CYTH1: variants seen among roughly 807,000 people sequenced by gnomAD.
The protein encoded by CYTH1 is cytohesin 1.
Under a neutral mutation model 61.8 loss-of-function variants are expected in CYTH1, and 18 were observed. The observed-to-expected ratio is 0.29, with a 90% CI of 0.20 to 0.43. The LOEUF (loss-of-function observed/expected upper bound fraction) is 0.43. Ranked by LOEUF, CYTH1 falls within the 20% of genes least tolerant of loss-of-function variation. The probability of loss-of-function intolerance (pLI) is 1.00; values close to 1 mark genes in which losing one functional copy is unlikely to be tolerated. For synonymous variants in CYTH1, 174 were observed against 184.3 expected (o/e 0.94, Z 0.45); for missense variants, 336 against 510.5 (o/e 0.66, Z 3.29).
intron 1 of CYTH1, among the ~76,000 whole-genome samples, chr17:78,758,261 C>T (rs1003109455): frequency 6.6e-6 from 1 of 152,198 alleles, no homozygotes; most frequent in African/African-American, 2.4e-5. Context: ...GCCGAGGCCC[C>T]AAGCATCCCT....
At chr17:78,705,562 C>T (rs574652211) in intron 3 of CYTH1, among the ~76,000 whole-genome samples, 1 of 152,072 alleles carries the variant, frequency 6.6e-6, no homozygotes, top group Non-Finnish European at 1.5e-5. Flanking sequence ...ATCATTCCTA[C>T]AAAATGCATC....
chr17:78,680,338 A>G lies in CYTH1; in HGVS notation c.970T>C (p.Phe324Leu). 1 of 1,612,712 alleles carries G rather than the reference A, an allele frequency of 6.2e-7. No homozygotes were observed. Among genetic ancestry groups the G allele is most frequent in the Non-Finnish European group, 8.5e-7 (1 of 1,179,146 alleles). Residue 324 changes from phenylalanine to leucine, a missense_variant, in exon 13 of 14, where the codon TTT (phenylalanine) becomes CTT (leucine). Physicochemically the swap from Phe to Leu is conservative, Grantham distance 22. Coordinates refer to ENST00000446868, the MANE Select transcript of CYTH1 (RefSeq NM_004762.6). ...TTATTGTCGGGGATATAAAGCTCAA[A>G]GCAGTTCTGAGAATCAAAACAGAGA... ...EVEDSKKPNC[F>L]ELYIPDNKDQ...
chr17:78,704,193 G>T (rs1011648865), intron 3 of CYTH1, among the ~76,000 whole-genome samples: 32 of 152,150 alleles, frequency 2.1e-4, no homozygotes, highest in Admixed American at 2.1e-3. Context: ...GTCTGAGAAG[G>T]GGCCTGTGCT....
intron 2 of CYTH1, 94 bp from the exon 3 acceptor site, chr17:78,708,355 A>G: frequency 1.8e-6 from 2 of 1,135,546 alleles, no homozygotes; most frequent in Non-Finnish European, 1.3e-6. Context: ...AACCAAAAAC[A>G]AAATAAAGCA....
intron 1 of CYTH1, among the ~76,000 whole-genome samples, chr17:78,767,923 T>C (rs1386931672): frequency 1.3e-5 from 2 of 152,114 alleles, no homozygotes; most frequent in Admixed American, 6.6e-5. Context: ...TTCAGAGAAT[T>C]AGAGAACACA....
intron 1 of CYTH1, among the ~76,000 whole-genome samples, chr17:78,716,419 C>G (rs1271491172): frequency 6.6e-6 from 1 of 152,180 alleles, no homozygotes; most frequent in Non-Finnish European, 1.5e-5. Flanking sequence ...TGGAGTCAGA[C>G]AGAAAACGCT....
chr17:78,701,555 A>G lies in CYTH1; in HGVS notation c.437+116T>C, dbSNP rs906617839. Reference sequence around the variant, plus strand: ...GATTTCTTCCCTCCAAAATACTTCAAAATATTCAAATCATACCCAAAGATA... The same window carrying G: ...GATTTCTTCCCTCCAAAATACTTCAGAATATTCAAATCATACCCAAAGATA... On this transcript the variant is annotated intron_variant, in intron 6 of 13. Coordinates refer to ENST00000446868, the MANE Select transcript of CYTH1 (RefSeq NM_004762.6). 1.5e-5 allele frequency: 15 copies of G among 1,002,730 alleles called. No homozygotes were observed. In the African/African-American group the frequency reaches 2.3e-4, roughly 15 times the overall value. 62.1% of individuals were successfully genotyped at this position (1,002,730 alleles called of 1,614,324 possible).
chr17:78,689,176 T>C (rs1256587340), intron 11 of CYTH1, among the ~76,000 whole-genome samples: 3 of 152,128 alleles, frequency 2.0e-5, no homozygotes, highest in Non-Finnish European at 2.9e-5. Context: ...AGCTGTACAA[T>C]TGAAGTACAT....
intron 1 of CYTH1, among the ~76,000 whole-genome samples, chr17:78,725,200 CGTCGA>C (rs1266479823): frequency 6.6e-6 from 1 of 152,156 alleles, no homozygotes; most frequent in South Asian, 2.1e-4. Flanking sequence ...ATCCGCCATC[CGTCGA>C]GTCTTACCTC....
intron 1 of CYTH1, among the ~76,000 whole-genome samples, chr17:78,742,064 T>A (rs2093343944): frequency 6.6e-6 from 1 of 152,236 alleles, no homozygotes; most frequent in South Asian, 2.1e-4. Context: ...CTGTTGGGCA[T>A]TAATCTTTTT....
At chr17:78,704,710 C>A (rs1222398993) in intron 3 of CYTH1, among the ~76,000 whole-genome samples, 2 of 152,310 alleles carry the variant, frequency 1.3e-5, no homozygotes, top group East Asian at 3.9e-4. Context: ...TTTGTAGAGA[C>A]AGAGTCTTGC....
chr17:78,743,970 A>T (rs1397867432), intron 1 of CYTH1, among the ~76,000 whole-genome samples: 1 of 152,158 alleles, frequency 6.6e-6, no homozygotes, highest in Non-Finnish European at 1.5e-5. Flanking sequence ...CTAGTTACCC[A>T]AAGAAGTATT....
At chr17:78,762,357 C>T (rs976972856) in intron 1 of CYTH1, among the ~76,000 whole-genome samples, 3 of 152,162 alleles carry the variant, frequency 2.0e-5, no homozygotes, top group Admixed American at 1.3e-4. Flanking sequence ...ACTAGAAATG[C>T]TTCACGAAGT....
intron 1 of CYTH1, among the ~76,000 whole-genome samples, chr17:78,726,202 C>T (rs1321942810): frequency 2.6e-5 from 4 of 152,046 alleles, no homozygotes; most frequent in Non-Finnish European, 5.9e-5. Flanking sequence ...CGCTACCACG[C>T]CTGGCTAATT....
Position 78,676,811 on chromosome 17 carries a change from G to A in CYTH1, c.1119-642C>T, listed in dbSNP as rs952456621. On this transcript the variant is annotated intron_variant, in intron 13 of 13. Transcript: ENST00000446868. ...CAAAGACAGCAGCGCAGGCCGCGCC[G>A]CGGGCTGGAGCACCTGCAGTGGACT... The A allele has an allele frequency of 1.8e-4, 66 of 359,760 alleles. 2 individuals carry two copies. The highest frequency in any genetic ancestry group is 8.4e-4 in the South Asian group (41 of 48,796). 22.3% of individuals were successfully genotyped at this position (359,760 alleles called of 1,614,324 possible).
In CYTH1 at chr17:78,781,851, G is replaced by C. The variant is rs1397136177; in HGVS notation, c.22+351C>G. Among the ~76,000 whole-genome samples, 5 of 151,254 alleles carry C rather than the reference G, an allele frequency of 3.3e-5. No homozygotes were observed. The East Asian group carries it at 9.8e-4, about 30-fold the overall frequency. ...CGACCCCAACGACTCTCATCCCTCA[G>C]AGCCCCTGAGATCCTGCCCCGCGAC... On this transcript the variant is annotated intron_variant, in intron 1 of 13. Coordinates refer to ENST00000446868, the MANE Select transcript of CYTH1 (RefSeq NM_004762.6).
At chr17:78,680,667 A>T (rs1454837162) in intron 12 of CYTH1, among the ~76,000 whole-genome samples, 2 of 152,198 alleles carry the variant, frequency 1.3e-5, no homozygotes, top group African/African-American at 4.8e-5. Flanking sequence ...AAGGAAAACT[A>T]AACGGGAGGT....
intron 1 of CYTH1, among the ~76,000 whole-genome samples, chr17:78,719,114 C>T (rs140425734): frequency 6.8e-4 from 104 of 152,308 alleles, no homozygotes; most frequent in African/African-American, 2.2e-3. Flanking sequence ...GGGTGCCTCA[C>T]CCAACTTCTG....
chr17:78,770,247 C>T (rs1370000507), intron 1 of CYTH1, among the ~76,000 whole-genome samples: 1 of 146,704 alleles, frequency 6.8e-6, no homozygotes, highest in African/African-American at 2.5e-5. Context: ...TTGCTTGACC[C>T]GGGAGGTGGA....
Sources: gnomAD v4.1 joint callset for allele counts (sites outside exome capture counted in the v4.1 genomes callset) on GRCh38, gnomAD v4.1.1 for gene constraint, MANE v1.5 for transcripts, NCBI Gene and HGNC (gene_info 2026-07-23, HGNC 2026-07-21) for gene names.